ARHGAP22: variants seen among roughly 807,000 people sequenced by gnomAD.
ARHGAP22 encodes rho GTPase-activating protein 22.
In ARHGAP22, 48 loss-of-function variants were observed where a neutral mutation model predicts 59.1. That is an observed-to-expected ratio of 0.81 (90% confidence interval 0.64 to 1.03). ARHGAP22 has a LOEUF of 1.03. Ranked by LOEUF, ARHGAP22 falls within the 50% of genes least tolerant of loss-of-function variation. The pLI, the probability that ARHGAP22 is intolerant of heterozygous loss-of-function variation, is 0.00. For missense variants in ARHGAP22, 1,015 were observed against 958.7 expected (o/e 1.06, Z -0.78); for synonymous variants, 445 against 416.4 (o/e 1.07, Z -0.84).
intron 1 of ARHGAP22, among the ~76,000 whole-genome samples, chr10:48,635,428 C>G (rs905687152): frequency 6.6e-6 from 1 of 152,256 alleles, no homozygotes; most frequent in South Asian, 2.1e-4. Context: ...GGTGAAACGT[C>G]CCCTCTTAGG....
intron 3 of ARHGAP22, among the ~76,000 whole-genome samples, chr10:48,505,542 C>T (rs1564785499): frequency 6.6e-6 from 1 of 152,112 alleles, no homozygotes; most frequent in South Asian, 2.1e-4. Flanking sequence ...CACCGAGCCC[C>T]ATCCCCAATT....
intron 3 of ARHGAP22, among the ~76,000 whole-genome samples, chr10:48,497,369 C>T (rs1475348173): frequency 1.3e-5 from 2 of 152,196 alleles, no homozygotes; most frequent in South Asian, 4.1e-4. Flanking sequence ...TTCCTGCCTC[C>T]TCCTCAGCAG....
chr10:48,567,264 G>A (rs1015907613), intron 2 of ARHGAP22, among the ~76,000 whole-genome samples: 1 of 152,222 alleles, frequency 6.6e-6, no homozygotes, highest in Non-Finnish European at 1.5e-5. Context: ...TCCTCACCCA[G>A]TGGCCTTAGG....
chr10:48,446,517 C>A lies in ARHGAP22; in HGVS notation c.1971G>T (p.Arg657=), dbSNP rs2045362030. Residue 657 remains arginine, a synonymous_variant, in exon 10 of 10, where the codon CGG becomes CGT. Transcript: ENST00000249601. ...CATCCTCCCGCGCCCGTTCAGAGTT[C>A]CGCAGCTTTATTTCCAGCATGATGT... is the stretch of plus-strand genomic sequence containing the variant. ...KKYIMLEIKL[R]NSERAREDAE... The A allele has an allele frequency of 9.3e-6, 15 of 1,614,122 alleles. No homozygotes were observed. Among genetic ancestry groups the A allele is most frequent in the Non-Finnish European group, 1.3e-5 (15 of 1,180,052 alleles).
chr10:48,577,202 C>T (rs138191687), intron 2 of ARHGAP22, among the ~76,000 whole-genome samples: 4 of 152,242 alleles, frequency 2.6e-5, no homozygotes, highest in African/African-American at 4.8e-5. Context: ...TTCTGGGGAT[C>T]GGTTCCTCCT....
chr10:48,472,782 T>C (rs996416773), intron 4 of ARHGAP22, among the ~76,000 whole-genome samples: 1 of 151,376 alleles, frequency 6.6e-6, no homozygotes, highest in African/African-American at 2.4e-5. Flanking sequence ...GTATGAACAA[T>C]GAGATAACAC....
At chr10:48,447,896 C>T (rs779381351) in intron 9 of ARHGAP22, among the ~76,000 whole-genome samples, 2 of 152,178 alleles carry the variant, frequency 1.3e-5, no homozygotes, top group Non-Finnish European at 2.9e-5. Context: ...AACCTTTTGG[C>T]TCTACCTTCA....
rs375047223 is a variant in ARHGAP22, at chr10:48,618,017, C to T, written c.52+34217G>A. 5.9e-5 allele frequency among the ~76,000 whole-genome samples: 9 copies of T among 151,778 alleles called. No individual in the cohort carries two copies. The South Asian group carries it at 1.0e-3, about 18-fold the overall frequency. On this transcript the variant is annotated intron_variant, in intron 1 of 9. Transcript: ENST00000435790. The stretch of plus-strand genomic sequence containing the variant: ...AAAGAGGAGACATTACAACTGAAAC[C>T]ACCTAAATACAAATGATCATTAGAG...
intron 2 of ARHGAP22, among the ~76,000 whole-genome samples, chr10:48,573,241 G>C (rs555092880): frequency 3.9e-5 from 6 of 152,246 alleles, no homozygotes; most frequent in Admixed American, 3.9e-4. Flanking sequence ...GCCACAACTA[G>C]GGTATTTCCT....
chr10:48,568,871 T>A (rs555962766), intron 2 of ARHGAP22, among the ~76,000 whole-genome samples: 2 of 152,310 alleles, frequency 1.3e-5, no homozygotes, highest in South Asian at 4.1e-4. Flanking sequence ...CCCTGCCATG[T>A]TTTCCAGGGT....
At chr10:48,448,379 C>T (rs2045571728) in intron 9 of ARHGAP22, among the ~76,000 whole-genome samples, 2 of 152,188 alleles carry the variant, frequency 1.3e-5, no homozygotes, top group African/African-American at 2.4e-5. Flanking sequence ...AAAAATGTAT[C>T]GTGCTTATGG....
rs192795730 is a variant in ARHGAP22 at position 48,498,487 on chromosome 10, C to T, written c.323-18723G>A. Among the ~76,000 whole-genome samples, 470 of 152,306 alleles carry T rather than the reference C, an allele frequency of 3.1e-3. 3 individuals carry two copies. The highest frequency in any genetic ancestry group is 0.011 in the African/African-American group (449 of 41,562). On this transcript the variant is annotated intron_variant, in intron 3 of 9. Transcript: ENST00000249601. ...AGAGGAAGCCACCCCAACACCCCCA[C>T]CAGTCCCAGCACAAGGATTTAGAGC... is the stretch of plus-strand genomic sequence containing the variant.
chr10:48,436,503 G>C, the ARHGAP22 span: 8 of 152,180 alleles, frequency 5.3e-5, no homozygotes, highest in African/African-American at 1.9e-4. Flanking sequence ...GGGATTTCAT[G>C]TAATGAACTA....
intron 3 of ARHGAP22, among the ~76,000 whole-genome samples, chr10:48,525,357 G>A (rs1402669598): frequency 6.6e-6 from 1 of 152,212 alleles, no homozygotes; most frequent in Admixed American, 6.5e-5. Context: ...TGGATCACTT[G>A]AGCCCAGGAG....
chr10:48,465,687 T>C (rs959488925), intron 4 of ARHGAP22, among the ~76,000 whole-genome samples: 2 of 152,224 alleles, frequency 1.3e-5, no homozygotes, highest in South Asian at 4.1e-4. Context: ...GCTTCAGTCA[T>C]ATGCCTGCTT....
At chr10:48,525,810 G>C (rs185223809) in intron 3 of ARHGAP22, among the ~76,000 whole-genome samples, 1 of 152,220 alleles carries the variant, frequency 6.6e-6, no homozygotes, top group Admixed American at 6.5e-5. Flanking sequence ...ACCAAGAGTG[G>C]TTCCCTTTGG....
At position 48,479,696 on chromosome 10, in the gene ARHGAP22, G is replaced by A. The variant is rs1426680496; in HGVS notation, c.391C>T (p.Arg131Cys). Residue 131 changes from arginine (R) to cysteine (C), a missense_variant, in exon 4 of 10, where the codon CGT (arginine) becomes TGT (cysteine). Transcript: ENST00000249601. ...GCCTGCACCCAGTCCTCCATGTCACGCTGGGAGCTGGCCATGAGCAGGAGC... is the reference window on the plus strand; with the variant it reads ...GCCTGCACCCAGTCCTCCATGTCACACTGGGAGCTGGCCATGAGCAGGAGC... Reference protein sequence around the residue: ...EALLLMASSQRDMEDWVQAIR... With the variant: ...EALLLMASSQCDMEDWVQAIR... The A allele has an allele frequency of 1.2e-5, 19 of 1,611,226 alleles. No homozygotes were observed. The highest frequency in any genetic ancestry group is 1.7e-4 in the Middle Eastern group (1 of 5,986).
chr10:48,447,650 C>A (rs1303485100), intron 9 of ARHGAP22, among the ~76,000 whole-genome samples: 3 of 152,094 alleles, frequency 2.0e-5, no homozygotes, highest in Non-Finnish European at 4.4e-5. Context: ...GGGCCTGGAC[C>A]TCCCCTCTTC....
chr10:48,479,454 C>G, intron 4 of ARHGAP22, 182 bp downstream of exon 4: 1 of 1,081,184 alleles, frequency 9.2e-7, no homozygotes, highest in Non-Finnish European at 1.3e-6. Context: ...GAAGTGAGTA[C>G]ACGGCAGCCG....
Sources: allele counts gnomAD v4.1 joint callset (sites outside exome capture counted in the v4.1 genomes callset), GRCh38; gene constraint gnomAD v4.1.1; transcripts MANE v1.5; gene names NCBI Gene and HGNC (gene_info 2026-07-23, HGNC 2026-07-21).